PNPLA7: variants seen among roughly 807,000 people sequenced by gnomAD.
PNPLA7 encodes the protein patatin like domain 7, lysophospholipase.
PNPLA7 carries 153 observed loss-of-function variants against 161.7 expected under a neutral mutation model. The ratio of observed to expected loss-of-function variants is 0.95; its 90% CI spans 0.83 to 1.08. The LOEUF is 1.08. PNPLA7 is among the 50% of genes least tolerant of loss of function. The pLI, the probability that PNPLA7 is intolerant of heterozygous loss-of-function variation, is 0.00. For missense variants in PNPLA7, 1,739 were observed against 1,856.6 expected (o/e 0.94, Z 1.16); for synonymous variants, 809 against 782.1 (o/e 1.03, Z -0.57).
rs1183001175 is a variant in PNPLA7 at position 137,523,816 on chromosome 9, G to A, written c.748-959C>T. Among the ~76,000 whole-genome samples, 1 of 152,036 alleles carries A rather than the reference G, an allele frequency of 6.6e-6. No individual in the cohort carries two copies. Among genetic ancestry groups the A allele is most frequent in the African/African-American group, 2.4e-5 (1 of 41,398 alleles). On this transcript the variant is annotated intron_variant, in intron 8 of 34. Coordinates refer to ENST00000406427, the MANE Select transcript of PNPLA7 (RefSeq NM_001098537.3). The surrounding 1 kb of genome is among the most constrained non-coding windows in gnomAD (Gnocchi z 4.4). ...TAATTTGTTTTTTGAATTTTTAGTA[G>A]AGACAGGGTTTCACTGTGTTAGCCA...
At chr9:137,550,063 G>C in intron 1 of PNPLA7, 105 bp downstream of exon 1, 1 of 1,423,202 alleles carries the variant, frequency 7.0e-7, no homozygotes, top group Non-Finnish European at 9.9e-7. Flanking sequence ...AAGAAGCCAC[G>C]GGGCCAAAGA....
rs571894971 is a variant in PNPLA7, at chr9:137,502,163, G to T, written c.1474-436C>A. 1.1e-4 allele frequency among the ~76,000 whole-genome samples: 16 copies of T among 152,234 alleles called. No homozygotes were observed. In the South Asian group the frequency reaches 2.7e-3, roughly 26 times the overall value. ...TCTGGGAGCTCCCAGAGGTGACCCG[G>T]GAGTGCCCAACACACTGGAACCCAG... On this transcript the variant is annotated intron_variant, in intron 14 of 34. Transcript: ENST00000406427.
chr9:137,475,712 C>T (rs894690479), intron 25 of PNPLA7, among the ~76,000 whole-genome samples: 49 of 151,622 alleles, frequency 3.2e-4, no homozygotes, highest in African/African-American at 1.1e-3. Flanking sequence ...GAATCTCCTA[C>T]GAGGTTCCAG....
At position 137,543,320 on chromosome 9, in the gene PNPLA7, G is replaced by C. The variant is rs561933706; in HGVS notation, c.506+112C>G. 7.2e-7 allele frequency: 1 copy of C among 1,384,242 alleles called. No individual in the cohort carries two copies. 85.7% of individuals were successfully genotyped at this position (1,384,242 alleles called of 1,614,324 possible). A position where few individuals can be genotyped will look rare whatever the true frequency, so the allele number is the denominator to read the frequency against. ...ACAGACACCAGCAGCCCCACGATGC[G>C]CTTTGCCAACCATTCCCCCAACACA... is the stretch of plus-strand genomic sequence containing the variant. On this transcript the variant is annotated intron_variant, in intron 6 of 34. Transcript: ENST00000406427. The surrounding 1 kb of genome is among the most constrained non-coding windows in gnomAD (Gnocchi z 6.9).
chr9:137,502,900 G>C (rs896585076), intron 14 of PNPLA7, among the ~76,000 whole-genome samples: 1 of 151,780 alleles, frequency 6.6e-6, no homozygotes, highest in Non-Finnish European at 1.5e-5. Flanking sequence ...ATATCCACCA[G>C]TGACGTGCTA....
chr9:137,542,135 T>C (rs1836238247), intron 7 of PNPLA7, among the ~76,000 whole-genome samples: 1 of 152,194 alleles, frequency 6.6e-6, no homozygotes, highest in Non-Finnish European at 1.5e-5. Context: ...GACTTACTAC[T>C]AAACTATCAA....
chr9:137,466,658 G>C (rs1278468810), intron 26 of PNPLA7, among the ~76,000 whole-genome samples: 1 of 140,784 alleles, frequency 7.1e-6, no homozygotes, highest in Non-Finnish European at 1.5e-5. Context: ...CCTCAGACCC[G>C]GGCACGGATC....
intron 1 of PNPLA7, among the ~76,000 whole-genome samples, chr9:137,548,964 G>C (rs139052151): frequency 6.6e-6 from 1 of 152,316 alleles, no homozygotes; most frequent in African/African-American, 2.4e-5. Context: ...CTACGACCAT[G>C]TCCCTCACTT....
At position 137,460,707 on chromosome 9, in the gene PNPLA7, T is replaced by C; in HGVS notation, c.3872A>G (p.Glu1291Gly). The change falls in exon 34 of 35, where the codon GAG becomes GGG. Residue 1291 changes from glutamate (E) to glycine (G), a missense_variant. Glu to Gly is a moderately conservative substitution (Grantham distance 98, BLOSUM62 -2). This residue lies in a region of PNPLA7 where 703 missense variants were observed against 694.6 expected (regional missense o/e 1.01). Transcript: ENST00000406427. The stretch of plus-strand genomic sequence containing the variant: ...ATCCCTGGGGACGTCCAGCAGCTCC[T>C]CCTCGTACTCCGTCTGGTAGTCAGA... Reference protein sequence around the residue: ...DESDYQTEYEEELLDVPRDAY... With the variant: ...DESDYQTEYEGELLDVPRDAY... The C allele has an allele frequency of 6.2e-7, 1 of 1,612,798 alleles. No homozygotes were observed. The highest frequency in any genetic ancestry group is 8.5e-7 in the Non-Finnish European group (1 of 1,179,908).
At chr9:137,508,198 C>T (rs1233404924) in intron 12 of PNPLA7, among the ~76,000 whole-genome samples, 2 of 152,062 alleles carry the variant, frequency 1.3e-5, no homozygotes, top group Non-Finnish European at 2.9e-5. Flanking sequence ...TGCACCCCAG[C>T]CTGGGCCATG....
chr9:137,515,155 G>A (rs1160519411), intron 12 of PNPLA7, among the ~76,000 whole-genome samples: 1 of 152,100 alleles, frequency 6.6e-6, no homozygotes, highest in Non-Finnish European at 1.5e-5. Flanking sequence ...GTGAGACAGG[G>A]CAGGCACGCA....
rs1832028095 is a variant in PNPLA7 at position 137,478,114 on chromosome 9, G to A, written c.2802C>T (p.Asp934=). ...MYKHVFQRPP[D]RHSDFSRLAR... Reference sequence around the variant, plus strand: ...CCAGGCGGGAGAAGTCTGAGTGTCGGTCCGGGGGCCGCTGGAAGACATGCT... The same window carrying A: ...CCAGGCGGGAGAAGTCTGAGTGTCGATCCGGGGGCCGCTGGAAGACATGCT... Residue 934 remains aspartate (D), a synonymous_variant, in exon 25 of 35, where the codon GAC becomes GAT. Coordinates refer to ENST00000406427, the MANE Select transcript of PNPLA7 (RefSeq NM_001098537.3). The A allele has an allele frequency of 1.5e-6, 2 of 1,353,998 alleles. No individual in the cohort carries two copies. The highest frequency in any genetic ancestry group is 3.8e-5 in the Admixed American group (1 of 26,366). The allele number at this position is 1,353,998 out of a possible 1,614,324, so 83.9% of individuals were successfully genotyped here.
rs73567221 is a variant in PNPLA7, at chr9:137,473,709, G to A, written c.2882+4325C>T. On this transcript the variant is annotated intron_variant, in intron 25 of 34. Coordinates refer to ENST00000406427, the MANE Select transcript of PNPLA7 (RefSeq NM_001098537.3). ...GCAAGCTCATGAACAGGTGTTCTAC[G>A]TCATCAGTCATCGGAGGGATGCAAA... Among the ~76,000 whole-genome samples the A allele has an allele frequency of 1.2e-3, 177 of 152,316 alleles. 1 individual carries two copies. Among genetic ancestry groups the A allele is most frequent in the African/African-American group, 3.9e-3 (164 of 41,560 alleles).
At chr9:137,534,829 A>G (rs1484389731) in intron 8 of PNPLA7, among the ~76,000 whole-genome samples, 1 of 152,078 alleles carries the variant, frequency 6.6e-6, no homozygotes, top group Non-Finnish European at 1.5e-5. Context: ...TACCCAACCT[A>G]AACCCCTAAC....
chr9:137,542,407 G>A (rs1395629229), intron 7 of PNPLA7, among the ~76,000 whole-genome samples: 1 of 152,136 alleles, frequency 6.6e-6, no homozygotes, highest in Admixed American at 6.5e-5. Context: ...GGAAGTCCAG[G>A]CCTCAGTGAG....
In PNPLA7 at chr9:137,515,361, G is replaced by T. The variant is rs1834473331; in HGVS notation, c.1225+18C>A. ...GCCTGTGGGTCACACTGGCTGGGCA[G>T]CCGTCGAGGTTCTTTACCTTGTGGG... On this transcript the variant is annotated intron_variant, in intron 12 of 34. Coordinates refer to ENST00000406427, the MANE Select transcript of PNPLA7 (RefSeq NM_001098537.3). The T allele has an allele frequency of 6.3e-7, 1 of 1,594,000 alleles. No homozygotes were observed. Among genetic ancestry groups the T allele is most frequent in the Non-Finnish European group, 8.5e-7 (1 of 1,171,496 alleles).
chr9:137,544,483 C>A (rs1280446015), intron 4 of PNPLA7, among the ~76,000 whole-genome samples: 2 of 152,232 alleles, frequency 1.3e-5, no homozygotes, highest in Non-Finnish European at 2.9e-5. Flanking sequence ...TCCAGACCAC[C>A]CTACGCCCTG....
chr9:137,461,779 C>A (rs944265234), intron 32 of PNPLA7, 152 bp downstream of exon 32: 1 of 1,190,362 alleles, frequency 8.4e-7, no homozygotes, highest in East Asian at 2.6e-5. Context: ...CAGTCCTGAG[C>A]AATCCTTGTC....
At position 137,501,645 on chromosome 9, in the gene PNPLA7, C is replaced by T. The variant is rs373197628; in HGVS notation, c.1551+5G>A. The stretch of plus-strand genomic sequence containing the variant: ...CCCAGTGCCCCCCCCCAGACCCCCG[C>T]TCACCTGGTCTCCCTGCCTTGACAC... On this transcript the variant is annotated splice_donor_5th_base_variant and intron_variant, in intron 15 of 34. Transcript: ENST00000406427. 2.7e-5 allele frequency: 43 copies of T among 1,611,900 alleles called. No homozygotes were observed. In the African/African-American group the frequency reaches 4.0e-4, roughly 15 times the overall value.
Sources: gnomAD v4.1 joint callset for allele counts (sites outside exome capture counted in the v4.1 genomes callset) on GRCh38, gnomAD v4.1.1 for gene constraint, gnomAD v4.1.1 regional missense constraint, Gnocchi (gnomAD v3.1) non-coding constraint, MANE v1.5 for transcripts, NCBI Gene and HGNC (gene_info 2026-07-23, HGNC 2026-07-21) for gene names.